Variants in NWD2 observed in about 807,000 individuals in gnomAD.
The protein encoded by NWD2 is NACHT and WD repeat domain-containing protein 2.
In NWD2, 37 loss-of-function variants were observed where a neutral mutation model predicts 132.7. The ratio of observed to expected loss-of-function variants is 0.28; its 90% CI spans 0.21 to 0.37. The LOEUF is 0.37. Among genes scored for constraint, NWD2 ranks in the 10% least tolerant of loss-of-function variants. NWD2 has a pLI of 1.00. For synonymous variants in NWD2, 705 were observed against 803.0 expected (o/e 0.88, Z 2.06); for missense variants, 1,592 against 2,122.4 (o/e 0.75, Z 4.91).
chr4:37,304,082 C>T (rs1334179716), intron 1 of NWD2, among the ~76,000 whole-genome samples: 2 of 152,162 alleles, frequency 1.3e-5, no homozygotes, highest in Non-Finnish European at 2.9e-5. Context: ...AAGTGGTTCA[C>T]AGTTCTGTAG....
intron 2 of NWD2, among the ~76,000 whole-genome samples, chr4:37,338,154 G>A (rs1719447294): frequency 6.6e-6 from 1 of 152,218 alleles, no homozygotes; most frequent in African/African-American, 2.4e-5. Context: ...TCCTTGAACA[G>A]TATTTACCAG....
intron 1 of NWD2, among the ~76,000 whole-genome samples, chr4:37,310,765 T>C (rs547783962): frequency 5.6e-5 from 8 of 143,188 alleles, no homozygotes; most frequent in African/African-American, 2.1e-4. Flanking sequence ...GTATATCTCC[T>C]AATGCTATCC....
chr4:37,447,056 T>C lies in NWD2; in HGVS notation c.5068T>C (p.Trp1690Arg). 6.4e-7 allele frequency: 1 copy of C among 1,551,734 alleles called. No homozygotes were observed. The highest frequency in any genetic ancestry group is 8.7e-7 in the Non-Finnish European group (1 of 1,147,004). ...TTTTAAAATATCTGTGGATTGCTTA[T>C]GGAGAGAGTCCACTGAGGTCTTTGC... ...YCFKISVDCLWRESTEVFARD... is the reference protein window; with the variant it reads ...YCFKISVDCLRRESTEVFARD... Residue 1690 changes from tryptophan to arginine, a missense_variant, in exon 7 of 7, where the codon TGG (tryptophan) becomes CGG (arginine). Coordinates refer to ENST00000309447, the MANE Select transcript of NWD2 (RefSeq NM_001144990.2).
intron 3 of NWD2, among the ~76,000 whole-genome samples, chr4:37,393,530 A>G (rs1720720635): frequency 2.6e-5 from 4 of 152,208 alleles, no homozygotes; most frequent in South Asian, 2.1e-4. Flanking sequence ...TGGTCCAGAC[A>G]TACTAGGAAA....
chr4:37,338,814 TTTG>T (rs1719463861), intron 2 of NWD2, among the ~76,000 whole-genome samples: 1 of 152,202 alleles, frequency 6.6e-6, no homozygotes. Context: ...GACATGTGTT[TTTG>T]TTTTTTTCTC....
intron 3 of NWD2, among the ~76,000 whole-genome samples, chr4:37,363,426 A>G (rs571375090): frequency 6.6e-6 from 1 of 152,340 alleles, no homozygotes; most frequent in Admixed American, 6.5e-5. Context: ...AAAATATGGT[A>G]CATAAACACC....
chr4:37,292,763 A>T (rs150960621), intron 1 of NWD2, among the ~76,000 whole-genome samples: 623 of 152,260 alleles, frequency 4.1e-3, no homozygotes, highest in Non-Finnish European at 6.5e-3. Flanking sequence ...TCCACCTCAG[A>T]TCATCAGGCA....
rs1420696576 is a variant in NWD2 at position 37,297,367 on chromosome 4, A to G, written c.152-28569A>G. Among the ~76,000 whole-genome samples, 4 of 152,060 alleles carry G rather than the reference A, an allele frequency of 2.6e-5. No individual in the cohort carries two copies. In the East Asian group the frequency reaches 7.7e-4, roughly 29 times the overall value. On this transcript the variant is annotated intron_variant, in intron 1 of 6. Coordinates refer to ENST00000309447, the MANE Select transcript of NWD2 (RefSeq NM_001144990.2). ...ATTTTTATTGTATTTTTTCCCAAATATTTTCTATCTGTGATTGGTTGAATC... is the reference window on the plus strand; with the variant it reads ...ATTTTTATTGTATTTTTTCCCAAATGTTTTCTATCTGTGATTGGTTGAATC...
intron 1 of NWD2, among the ~76,000 whole-genome samples, chr4:37,323,320 C>G (rs1719106530): frequency 6.6e-6 from 1 of 152,108 alleles, no homozygotes; most frequent in South Asian, 2.1e-4. Flanking sequence ...GATTTAATAT[C>G]CAGAATCTAT....
At chr4:37,352,799 C>T (rs532097080) in intron 2 of NWD2, among the ~76,000 whole-genome samples, 13 of 152,276 alleles carry the variant, frequency 8.5e-5, no homozygotes, top group Admixed American at 4.6e-4. Context: ...GGTCTTGACT[C>T]CTTATCCAAT....
At chr4:37,391,489 T>G (rs1720678530) in intron 3 of NWD2, among the ~76,000 whole-genome samples, 1 of 152,172 alleles carries the variant, frequency 6.6e-6, no homozygotes, top group African/African-American at 2.4e-5. Context: ...TAGAGATAAG[T>G]AAAGGCTTGA....
chr4:37,382,858 T>TTTTTGGA (rs1407722182), intron 3 of NWD2, among the ~76,000 whole-genome samples: 1 of 151,816 alleles, frequency 6.6e-6, no homozygotes, highest in Non-Finnish European at 1.5e-5. Flanking sequence ...GCCTGGCTAA[T>TTTTTGGA]TTTTGGATTT....
chr4:37,336,438 G>A (rs2109292688), intron 2 of NWD2, among the ~76,000 whole-genome samples: 1 of 152,228 alleles, frequency 6.6e-6, no homozygotes, highest in Non-Finnish European at 1.5e-5. Context: ...GTGGCCAGTA[G>A]CTCCCAGGCT....
At chr4:37,291,955 G>A (rs895471806) in intron 1 of NWD2, among the ~76,000 whole-genome samples, 1 of 152,150 alleles carries the variant, frequency 6.6e-6, no homozygotes, top group African/African-American at 2.4e-5. Flanking sequence ...TTGTCTGAAT[G>A]TAAGCTGACT....
chr4:37,437,857 G>T (rs1473654581), intron 5 of NWD2, among the ~76,000 whole-genome samples: 1 of 152,164 alleles, frequency 6.6e-6, no homozygotes, highest in Non-Finnish European at 1.5e-5. Flanking sequence ...TAGAAGAAAT[G>T]AAGTTATATA....
chr4:37,306,294 G>C (rs1718706935), intron 1 of NWD2, among the ~76,000 whole-genome samples: 1 of 151,848 alleles, frequency 6.6e-6, no homozygotes, highest in Non-Finnish European at 1.5e-5. Context: ...TTCTTTCACT[G>C]ATCTTTAGTA....
intron 1 of NWD2, among the ~76,000 whole-genome samples, chr4:37,290,867 G>T (rs992729013): frequency 2.0e-5 from 3 of 152,194 alleles, no homozygotes; most frequent in East Asian, 1.9e-4. Flanking sequence ...TTCTGAGTTT[G>T]ACTGGAAGTT....
In NWD2 at chr4:37,443,426, T is replaced by A; in HGVS notation, c.1438T>A (p.Cys480Ser). The change falls in exon 7 of 7, where the codon TGT becomes AGT. Residue 480 changes from cysteine to serine, a missense_variant. By Grantham distance (112) the Cys-to-Ser change is moderately radical. Coordinates refer to ENST00000309447, the MANE Select transcript of NWD2 (RefSeq NM_001144990.2). This position sits in a 1 kb window ranked among gnomAD's most constrained non-coding sequence, Gnocchi z 4.1. The part of the protein sequence containing the change: ...VCEQLAVNYR[C>S]LVQSYPKKIH... ...TGAACAATTGGCAGTTAACTACCGGTGTCTGGTTCAAAGCTACCCTAAGAA... is the reference window on the plus strand; with the variant it reads ...TGAACAATTGGCAGTTAACTACCGGAGTCTGGTTCAAAGCTACCCTAAGAA... 1 of 1,552,236 alleles carries A rather than the reference T, an allele frequency of 6.4e-7. No homozygotes were observed. The highest frequency in any genetic ancestry group is 1.2e-5 in the South Asian group (1 of 84,054).
At chr4:37,297,918 C>T (rs1718528888) in intron 1 of NWD2, among the ~76,000 whole-genome samples, 1 of 152,040 alleles carries the variant, frequency 6.6e-6, no homozygotes, top group Non-Finnish European at 1.5e-5. Flanking sequence ...TTCCAAGATT[C>T]TCTACCACAA....
Sources: allele counts gnomAD v4.1 joint callset (sites outside exome capture counted in the v4.1 genomes callset), GRCh38; gene constraint gnomAD v4.1.1; non-coding constraint Gnocchi (gnomAD v3.1); transcripts MANE v1.5; gene names NCBI Gene and HGNC (gene_info 2026-07-23, HGNC 2026-07-21).